TMEM255B: variants seen among roughly 807,000 people sequenced by gnomAD.
TMEM255B encodes transmembrane protein 255B.
A neutral mutation model predicts 34.5 loss-of-function variants in TMEM255B; 35 were observed. The ratio of observed to expected loss-of-function variants is 1.01; its 90% CI spans 0.77 to 1.34. The LOEUF (loss-of-function observed/expected upper bound fraction) is 1.34, where lower values mean the gene tolerates loss of function less well. TMEM255B is among the 40% of genes most tolerant of loss of function. The pLI is 0.00. For missense variants in TMEM255B, 432 were observed against 433.2 expected (o/e 1.00, Z 0.02); for synonymous variants, 206 against 201.2 (o/e 1.02, Z -0.20).
At chr13:113,799,221 G>T in intron 4 of TMEM255B, 118 bp from the exon 5 acceptor site, 1 of 838,946 alleles carries the variant, frequency 1.2e-6, no homozygotes, top group East Asian at 2.7e-5. Flanking sequence ...GGCTCAAGTT[G>T]GTGTTGGCCT....
rs945815109 is a variant in TMEM255B at position 113,794,792 on chromosome 13, A to G, written c.253-356A>G. ...TGTGTGAAGCTGATCCGATGACTGT[A>G]AAGGCCTGTGTCAAGCATGCACATG... On this transcript the variant is annotated intron_variant, in intron 3 of 8. Transcript: ENST00000375353. 2.0e-5 allele frequency among the ~76,000 whole-genome samples: 3 copies of G among 152,240 alleles called. No homozygotes were observed. In the East Asian group the frequency reaches 5.8e-4, roughly 29 times the overall value.
At chr13:113,801,863 G>A (rs1049275394) in intron 7 of TMEM255B, 51 bp downstream of exon 7, 1 of 1,508,184 alleles carries the variant, frequency 6.6e-7, no homozygotes, top group East Asian at 2.4e-5. Flanking sequence ...CGGGGCTCCG[G>A]GTCCATTTCC....
In TMEM255B at chr13:113,781,739, T is replaced by A. The variant is rs530834687; in HGVS notation, c.252+12579T>A. On this transcript the variant is annotated intron_variant, in intron 3 of 8. Coordinates refer to ENST00000375353, the MANE Select transcript of TMEM255B (RefSeq NM_182614.4). ...TTTATAAAGCATTTAGGAGGCCTAA[T>A]CACCTTTAAATTCTACATCATTTCT... Among the ~76,000 whole-genome samples the A allele has an allele frequency of 3.3e-5, 5 of 152,318 alleles. No homozygotes were observed. In the South Asian group the frequency reaches 8.3e-4, roughly 25 times the overall value.
chr13:113,809,495 G>T (rs1170502466), intron 8 of TMEM255B, among the ~76,000 whole-genome samples: 1 of 80,102 alleles, frequency 1.2e-5, no homozygotes, highest in African/African-American at 5.5e-5. Context: ...GTTCCTGGGG[G>T]TTTACTCTGT....
At chr13:113,795,792 C>T (rs1238680896) in intron 4 of TMEM255B, among the ~76,000 whole-genome samples, 1 of 134,624 alleles carries the variant, frequency 7.4e-6, no homozygotes, top group African/African-American at 2.9e-5. Context: ...ACAGAGCACA[C>T]AGCACACACA....
intron 1 of TMEM255B, among the ~76,000 whole-genome samples, chr13:113,760,902 G>A (rs2050296550): frequency 6.6e-6 from 1 of 150,706 alleles, no homozygotes. Context: ...GTGTGTCTGG[G>A]GGTGGGTTAT....
At chr13:113,781,091 A>C (rs1211287842) in intron 3 of TMEM255B, among the ~76,000 whole-genome samples, 1 of 152,216 alleles carries the variant, frequency 6.6e-6, no homozygotes, top group South Asian at 2.1e-4. Context: ...ATTAATGTTA[A>C]ACCCAATTCT....
rs1349913924 is a variant in TMEM255B, at chr13:113,813,033, A to C, written c.*1130A>C. 1 of 149,614 alleles carries C rather than the reference A, an allele frequency of 6.7e-6. No individual in the cohort carries two copies. The highest frequency in any genetic ancestry group is 2.5e-5 in the African/African-American group (1 of 40,098). 9.3% of individuals were successfully genotyped at this position (149,614 alleles called of 1,614,324 possible). Reference sequence around the variant, plus strand: ...GGGTCACGGGTCCCGGGTGGGTCACAGGCGCCCCAGTGACAGGAGTTCAGG... The same window carrying C: ...GGGTCACGGGTCCCGGGTGGGTCACCGGCGCCCCAGTGACAGGAGTTCAGG... On this transcript the variant is annotated 3_prime_UTR_variant, in exon 9 of 9. Transcript: ENST00000375353.
chr13:113,782,641 C>T (rs1394717512), intron 3 of TMEM255B, among the ~76,000 whole-genome samples: 2 of 140,540 alleles, frequency 1.4e-5, no homozygotes, highest in South Asian at 2.4e-4. Context: ...TTGTCAGTGC[C>T]GGCAGCGATG....
At chr13:113,768,371 G>A (rs956108996) in intron 2 of TMEM255B, 7 of 404,886 alleles carry the variant, frequency 1.7e-5, no homozygotes, top group Non-Finnish European at 3.2e-5. Context: ...GCGGATGCCC[G>A]GCCGGTGGCC....
Position 113,799,339 on chromosome 13 carries a change from G to A in TMEM255B, c.343G>A (p.Glu115Lys), listed in dbSNP as rs1479214311. ...VDGVFAAQHI[E>K]PRPLTTGRCQ... ...CATCTGTGTTTATCTGTTTCTCTAG[G>A]AACCGAGGCCCCTCACCACGGGAAG... The change falls in exon 5 of 9, where the codon GAA becomes AAA. Residue 115 changes from glutamate to lysine, a missense_variant and splice_region_variant. By Grantham distance (56) the Glu-to-Lys change is moderately conservative. Transcript: ENST00000375353. 9 of 1,613,800 alleles carry A rather than the reference G, an allele frequency of 5.6e-6. No homozygotes were observed. The highest frequency in any genetic ancestry group is 7.6e-6 in the Non-Finnish European group (9 of 1,180,020).
chr13:113,778,195 G>A (rs1384005422), intron 3 of TMEM255B, among the ~76,000 whole-genome samples: 5 of 152,214 alleles, frequency 3.3e-5, no homozygotes, highest in Non-Finnish European at 7.3e-5. Context: ...AAAGCCGGCC[G>A]AACAGGAATC....
intron 7 of TMEM255B, chr13:113,802,986 C>G (rs189743397): frequency 6.7e-6 from 1 of 148,354 alleles, no homozygotes; most frequent in South Asian, 2.1e-4. Context: ...GGCGTCTCCT[C>G]GGTGCAAGCT....
chr13:113,812,927 G>GCA lies in TMEM255B; in HGVS notation c.*1024_*1025insCA, dbSNP rs1566341883. ...GTCACAGGCCCCGGGTGAGTCACGG[G>GCA]TCCCGGGTGGGTCACGGGTCCCGGG... On this transcript the variant is annotated 3_prime_UTR_variant, in exon 9 of 9. Transcript: ENST00000375353. 6.9e-6 allele frequency: 1 copy of GCA among 143,990 alleles called. No homozygotes were observed. The highest frequency in any genetic ancestry group is 2.8e-5 in the African/African-American group (1 of 35,942). The allele number at this position is 143,990 out of a possible 1,614,324, so 8.9% of individuals were successfully genotyped here. A position where few individuals can be genotyped will look rare whatever the true frequency, so the allele number is the denominator to read the frequency against.
At chr13:113,760,352 TAAC>T (rs769436213) in intron 1 of TMEM255B, among the ~76,000 whole-genome samples, 39 of 152,336 alleles carry the variant, frequency 2.6e-4, no homozygotes, top group Non-Finnish European at 4.7e-4. Context: ...TTAATAATGA[TAAC>T]TATTATTATT....
chr13:113,769,486 G>A lies in TMEM255B; in HGVS notation c.252+326G>A, dbSNP rs546860576. ...GTGGCAAATTAAATTAAGTCCTAGT[G>A]TGTAAAGTTCAGGCAAAAACATGTG... On this transcript the variant is annotated intron_variant, in intron 3 of 8. Transcript: ENST00000375353. The surrounding 1 kb of genome is among the most constrained non-coding windows in gnomAD (Gnocchi z 4.2). 3 of 301,070 alleles carry A rather than the reference G, an allele frequency of 1.0e-5. No homozygotes were observed. Among genetic ancestry groups the A allele is most frequent in the African/African-American group, 6.3e-5 (3 of 47,800 alleles). The allele number at this position is 301,070 out of a possible 1,614,324, so 18.6% of individuals were successfully genotyped here.
intron 4 of TMEM255B, among the ~76,000 whole-genome samples, chr13:113,798,106 G>A (rs1364587127): frequency 2.6e-5 from 4 of 152,168 alleles, no homozygotes; most frequent in African/African-American, 9.7e-5. Flanking sequence ...GATAATGGGT[G>A]GATGACAGGA....
chr13:113,801,418 C>T (rs911718687), intron 6 of TMEM255B, among the ~76,000 whole-genome samples: 7 of 152,188 alleles, frequency 4.6e-5, no homozygotes, highest in Admixed American at 6.5e-5. Flanking sequence ...GGGGCGGGCC[C>T]GCCAGGCCCA....
chr13:113,776,556 C>T (rs920046058), intron 3 of TMEM255B, among the ~76,000 whole-genome samples: 5 of 152,230 alleles, frequency 3.3e-5, no homozygotes, highest in South Asian at 2.1e-4. Context: ...CTGCTGGCTC[C>T]GTCCCACGGC....
Sources: gnomAD v4.1 joint callset for allele counts (sites outside exome capture counted in the v4.1 genomes callset) on GRCh38, gnomAD v4.1.1 for gene constraint, Gnocchi (gnomAD v3.1) non-coding constraint, MANE v1.5 for transcripts, NCBI Gene and HGNC (gene_info 2026-07-23, HGNC 2026-07-21) for gene names.